Variants in NAV3 observed in about 807,000 individuals in gnomAD.
NAV3 encodes neuron navigator 3, also known as pore membrane and/or filament interacting like protein 1.
A neutral mutation model predicts 244.7 loss-of-function variants in NAV3; 87 were observed. That is an observed-to-expected ratio of 0.36 (90% CI 0.30 to 0.42). NAV3 has a LOEUF of 0.42. NAV3 is among the 20% of genes least tolerant of loss of function. NAV3 has a pLI of 1.00. For missense variants in NAV3, 2,663 were observed against 2,893.3 expected, an observed-to-expected ratio of 0.92 and a Z score of 1.83; for synonymous variants, 1,126 against 1,042.2, an observed-to-expected ratio of 1.08 and a Z score of -1.55.
intron 1 of NAV3, among the ~76,000 whole-genome samples, chr12:77,875,365 A>G (rs1245595494): frequency 6.6e-6 from 1 of 151,932 alleles, no homozygotes; most frequent in Non-Finnish European, 1.5e-5. Flanking sequence ...CTCTTACCAC[A>G]CTTCTCAAAA....
chr12:78,146,030 C>T (rs1221652678), intron 20 of NAV3, among the ~76,000 whole-genome samples: 1 of 151,812 alleles, frequency 6.6e-6, no homozygotes, highest in Non-Finnish European at 1.5e-5. Flanking sequence ...TTACATGCAC[C>T]CATCTTTTTT....
At chr12:77,630,471 A>G (rs1402939480) in intron 2 of NAV3, among the ~76,000 whole-genome samples, 1 of 152,162 alleles carries the variant, frequency 6.6e-6, no homozygotes, top group African/African-American at 2.4e-5. Flanking sequence ...TACTCTCCAT[A>G]GAATGTATTG....
intron 2 of NAV3, among the ~76,000 whole-genome samples, chr12:77,689,171 G>A (rs1242586205): frequency 6.6e-6 from 1 of 151,886 alleles, no homozygotes; most frequent in African/African-American, 2.4e-5. Context: ...AACATTTCCT[G>A]CTGAAATTGC....
chr12:77,581,192 A>G (rs919539295), intron 2 of NAV3, among the ~76,000 whole-genome samples: 15 of 152,200 alleles, frequency 9.9e-5, no homozygotes, highest in African/African-American at 3.4e-4. Context: ...ACAACTTAGA[A>G]ACCAATTTTA....
Position 78,181,009 on chromosome 12 carries a change from C to G in NAV3, c.5656C>G (p.Leu1886Val), listed in dbSNP as rs201512028. 1 of 1,613,174 alleles carries G rather than the reference C, an allele frequency of 6.2e-7. No individual in the cohort carries two copies. Among genetic ancestry groups the G allele is most frequent in the South Asian group, 1.1e-5 (1 of 91,040 alleles). The change falls in exon 30 of 40, where the codon CTA becomes GTA. Residue 1886 changes from leucine (L) to valine (V), a missense_variant. Transcript: ENST00000397909. The part of the protein sequence containing the change: ...SSSRQSLGLS[L>V]NNLNITEAVS... The stretch of plus-strand genomic sequence containing the variant: ...TTCCAGGCAGTCATTAGGACTTTCT[C>G]TAAACAATTTGAACATCACAGAGGC...
intron 9 of NAV3, among the ~76,000 whole-genome samples, chr12:78,044,995 C>T (rs73350607): frequency 0.057 from 8,722 of 152,154 alleles, 727 homozygotes; most frequent in African/African-American, 0.19. Context: ...GGAGGGCACC[C>T]TTGTGTTGTG....
chr12:77,967,929 C>A (rs1892656398), intron 4 of NAV3, among the ~76,000 whole-genome samples: 1 of 151,986 alleles, frequency 6.6e-6, no homozygotes, highest in African/African-American at 2.4e-5. Flanking sequence ...GATATACCTA[C>A]ACATACATTT....
chr12:77,783,194 T>A (rs1325931616), intron 2 of NAV3: 2 of 152,112 alleles, frequency 1.3e-5, no homozygotes, highest in Non-Finnish European at 2.9e-5. Flanking sequence ...TGCTGTTTGA[T>A]GTTTTGCTTA....
At chr12:77,703,824 A>T (rs1398922873) in intron 2 of NAV3, among the ~76,000 whole-genome samples, 1 of 152,204 alleles carries the variant, frequency 6.6e-6, no homozygotes. Flanking sequence ...ACTGTGGAGC[A>T]GATAAAAACA....
At chr12:77,645,073 T>G (rs981804847) in intron 2 of NAV3, among the ~76,000 whole-genome samples, 2 of 152,074 alleles carry the variant, frequency 1.3e-5, no homozygotes, top group Admixed American at 1.3e-4. Flanking sequence ...CACTACAAGT[T>G]GGGTGAAACC....
At chr12:77,687,845 A>C (rs1405891) in intron 2 of NAV3, among the ~76,000 whole-genome samples, 139,493 of 152,106 alleles carry the variant, frequency 0.92, 64,156 homozygotes, top group East Asian at 1. Context: ...AGCAAATTTT[A>C]AATCAATATA....
At chr12:77,601,927 G>A (rs1226024704) in intron 2 of NAV3, among the ~76,000 whole-genome samples, 3 of 151,944 alleles carry the variant, frequency 2.0e-5, no homozygotes, top group African/African-American at 7.2e-5. Context: ...GTTTTGTGAG[G>A]AACAATGCCT....
At chr12:77,741,148 C>CAAAAAAAAAAAAAAAAAAAAAAAAAAAA in intron 2 of NAV3, among the ~76,000 whole-genome samples, 30 of 68,654 alleles carry the variant, frequency 4.4e-4, no homozygotes, top group East Asian at 4.6e-4. Flanking sequence ...AAAAAAAAGA[C>CAAAAAAAAAAAAAAAAAAAAAAAAAAAA]AAAAAAAAAA....
chr12:77,843,766 G>A (rs1876127669), intron 1 of NAV3, among the ~76,000 whole-genome samples: 1 of 151,710 alleles, frequency 6.6e-6, no homozygotes, highest in Non-Finnish European at 1.5e-5. Context: ...CAATGCCAAT[G>A]CCAAACATCT....
chr12:78,027,816 TTTTTG>T (rs1878327532), intron 9 of NAV3, among the ~76,000 whole-genome samples: 1 of 152,106 alleles, frequency 6.6e-6, no homozygotes, highest in African/African-American at 2.4e-5. Context: ...TACTCTGTGG[TTTTTG>T]TTTTGTTTTT....
intron 2 of NAV3, among the ~76,000 whole-genome samples, chr12:77,603,889 A>G (rs1870552632): frequency 6.6e-6 from 1 of 152,034 alleles, no homozygotes; most frequent in Non-Finnish European, 1.5e-5. Context: ...AAGTCCTCAT[A>G]CAAAATTGAC....
At chr12:78,208,021 T>C (rs1459397956) in intron 39 of NAV3, among the ~76,000 whole-genome samples, 1 of 152,166 alleles carries the variant, frequency 6.6e-6, no homozygotes, top group African/African-American at 2.4e-5. Flanking sequence ...TTCCATTTAG[T>C]GTTGCTATAA....
At chr12:77,870,234 G>A (rs866247707) in intron 1 of NAV3, among the ~76,000 whole-genome samples, 15 of 151,630 alleles carry the variant, frequency 9.9e-5, no homozygotes, top group African/African-American at 2.4e-4. Flanking sequence ...GTATGTTGGC[G>A]CGCGCCTGTA....
Position 78,204,874 on chromosome 12 carries a change from C to G in NAV3, c.6835-61C>G, listed in dbSNP as rs978275958. ...AAAAAATCACATCCAACTAGCAGTCCCCTTTTTTGCTGAATAGAAATGCAT... is the reference window on the plus strand; with the variant it reads ...AAAAAATCACATCCAACTAGCAGTCGCCTTTTTTGCTGAATAGAAATGCAT... On this transcript the variant is annotated intron_variant, in intron 38 of 39. Coordinates refer to ENST00000397909, the MANE Select transcript of NAV3 (RefSeq NM_001024383.2). The G allele has an allele frequency of 1.4e-5, 20 of 1,468,488 alleles. No homozygotes were observed. The Admixed American group carries it at 2.8e-4, about 21-fold the overall frequency. 91.0% of individuals were successfully genotyped at this position (1,468,488 alleles called of 1,614,324 possible).
Sources: gnomAD v4.1 joint callset for allele counts (sites outside exome capture counted in the v4.1 genomes callset) on GRCh38, gnomAD v4.1.1 for gene constraint, MANE v1.5 for transcripts, NCBI Gene and HGNC (gene_info 2026-07-23, HGNC 2026-07-21) for gene names.